The following EPC2 variants were observed in gnomAD, a reference collection of about 807,000 sequenced individuals.
EPC2 encodes enhancer of polycomb homolog 2.
A neutral mutation model predicts 92.1 loss-of-function variants in EPC2; 14 were observed. The observed-to-expected ratio is 0.15, with a 90% CI of 0.10 to 0.24. EPC2 has a LOEUF of 0.24. Ranked by LOEUF, EPC2 falls within the 10% of genes least tolerant of loss-of-function variation. The probability of loss-of-function intolerance (pLI) is 1.00; values close to 1 mark genes in which losing one functional copy is unlikely to be tolerated. For missense variants in EPC2, 755 were observed against 971.5 expected (o/e 0.78, Z 2.96); for synonymous variants, 340 against 334.7 (o/e 1.02, Z -0.17).
chr2:148,683,310 C>T lies in EPC2; in HGVS notation c.154-6904C>T, dbSNP rs144153976. 7.1e-3 allele frequency among the ~76,000 whole-genome samples: 1,075 copies of T among 151,832 alleles called. 6 individuals are homozygous for T. Among genetic ancestry groups the T allele is most frequent in the African/African-American group, 0.024 (1,009 of 41,320 alleles). On this transcript the variant is annotated intron_variant, in intron 1 of 13. Transcript: ENST00000258484. The stretch of plus-strand genomic sequence containing the variant: ...TGAGATGGAGTCTTGCTGTGTTGCC[C>T]AGGCTGGAGTGCAGTGGCATGATCT...
At chr2:148,666,443 C>T (rs190488441) in intron 1 of EPC2, among the ~76,000 whole-genome samples, 2 of 152,222 alleles carry the variant, frequency 1.3e-5, no homozygotes, top group Non-Finnish European at 2.9e-5. Context: ...TGCACCAGGC[C>T]AGAGGACCAA....
In EPC2 at chr2:148,711,105, C is replaced by CT. The variant is rs200421207; in HGVS notation, c.313+20741dup. 7.4e-3 allele frequency among the ~76,000 whole-genome samples: 1,120 copies of CT among 151,062 alleles called. 7 individuals carry two copies. The highest frequency in any genetic ancestry group is 0.011 in the Non-Finnish European group (727 of 67,668). On this transcript the variant is annotated intron_variant, in intron 2 of 13. Coordinates refer to ENST00000258484, the MANE Select transcript of EPC2 (RefSeq NM_015630.4). The stretch of plus-strand genomic sequence containing the variant: ...GTTTTCAGTTTGATTAATTTCTCCT[C>CT]TTTTTTTTTCTTCACTTACTTTGGG...
chr2:148,647,152 T>C (rs1683820597), intron 1 of EPC2, among the ~76,000 whole-genome samples: 1 of 152,270 alleles, frequency 6.6e-6, no homozygotes, highest in Admixed American at 6.5e-5. Flanking sequence ...GAGTGAACAG[T>C]TAACTCCTGG....
intron 2 of EPC2, among the ~76,000 whole-genome samples, chr2:148,725,108 ATCTT>A (rs1682467849): frequency 6.6e-6 from 1 of 152,122 alleles, no homozygotes; most frequent in Non-Finnish European, 1.5e-5. Flanking sequence ...ATCTTTAAGA[ATCTT>A]TATGTCTTAG....
intron 7 of EPC2, among the ~76,000 whole-genome samples, chr2:148,767,139 T>A (rs4972297): frequency 0.96 from 145,924 of 151,426 alleles, 70,539 homozygotes; most frequent in Middle Eastern, 1. Context: ...TGAAGGTTGC[T>A]GTGAGCCAAG....
At chr2:148,737,911 G>A (rs559445285) in intron 2 of EPC2, among the ~76,000 whole-genome samples, 4 of 152,302 alleles carry the variant, frequency 2.6e-5, no homozygotes, top group East Asian at 3.9e-4. Context: ...CATGCGGCCC[G>A]TGGGCCATGA....
intron 2 of EPC2, chr2:148,691,938 A>G (rs1558811044): frequency 7.2e-6 from 3 of 416,564 alleles, no homozygotes; most frequent in South Asian, 2.0e-5. Context: ...TTTCTTTCTT[A>G]TGGTATATAT....
intron 7 of EPC2, among the ~76,000 whole-genome samples, chr2:148,768,251 TA>T (rs1287264980): frequency 6.6e-6 from 1 of 152,216 alleles, no homozygotes; most frequent in Non-Finnish European, 1.5e-5. Context: ...AACTGAAACT[TA>T]AGTACCAAAA....
intron 10 of EPC2, among the ~76,000 whole-genome samples, chr2:148,772,358 A>G (rs1346123176): frequency 6.6e-6 from 1 of 152,162 alleles, no homozygotes; most frequent in Non-Finnish European, 1.5e-5. Flanking sequence ...ACTAAAATAG[A>G]TGTGGCTTGA....
intron 4 of EPC2, among the ~76,000 whole-genome samples, chr2:148,758,129 C>T (rs915346659): frequency 1.1e-4 from 13 of 123,416 alleles, no homozygotes; most frequent in Non-Finnish European, 1.9e-4. Context: ...TGGATTCTAC[C>T]CCATAGAGTA....
chr2:148,679,867 C>T (rs964816687), intron 1 of EPC2, among the ~76,000 whole-genome samples: 3 of 152,086 alleles, frequency 2.0e-5, no homozygotes, highest in Non-Finnish European at 4.4e-5. Context: ...AGGGTGGTCT[C>T]GATCTCCTAA....
At chr2:148,765,346 T>C (rs1253124593) in intron 7 of EPC2, among the ~76,000 whole-genome samples, 200 bp downstream of exon 7, 2 of 152,228 alleles carry the variant, frequency 1.3e-5, no homozygotes, top group Non-Finnish European at 2.9e-5. Flanking sequence ...TAGAATTTAC[T>C]CTTTTGTGGA....
At chr2:148,731,399 A>G (rs1342191163) in intron 2 of EPC2, among the ~76,000 whole-genome samples, 1 of 152,052 alleles carries the variant, frequency 6.6e-6, no homozygotes, top group Admixed American at 6.5e-5. Context: ...TCCAGAAGTA[A>G]ATATTTAGGA....
chr2:148,773,101 CT>C (rs1574635360), intron 10 of EPC2, among the ~76,000 whole-genome samples: 1 of 151,974 alleles, frequency 6.6e-6, no homozygotes, highest in South Asian at 2.1e-4. Flanking sequence ...TTTAACTTGA[CT>C]TTTTTCCAGA....
At chr2:148,750,239 A>G (rs906155859) in intron 3 of EPC2, among the ~76,000 whole-genome samples, 2 of 152,156 alleles carry the variant, frequency 1.3e-5, no homozygotes, top group African/African-American at 2.4e-5. Flanking sequence ...CTTCTAAAAT[A>G]GTCATCTCAA....
chr2:148,736,808 A>G (rs1020025211), intron 2 of EPC2, among the ~76,000 whole-genome samples: 39 of 152,080 alleles, frequency 2.6e-4, no homozygotes, highest in African/African-American at 8.9e-4. Context: ...TTTTACCAAA[A>G]AAGTTTCAGG....
intron 2 of EPC2, among the ~76,000 whole-genome samples, chr2:148,715,030 T>C (rs1278706116): frequency 9.9e-6 from 1 of 101,442 alleles, no homozygotes; most frequent in Non-Finnish European, 2.0e-5. Flanking sequence ...CTAGGGTTTT[T>C]TTTTTTTTTT....
intron 2 of EPC2, chr2:148,691,732 A>G (rs1681648439): frequency 3.0e-6 from 3 of 1,012,470 alleles, no homozygotes; most frequent in Non-Finnish European, 3.1e-6. Context: ...AGATCTGCTC[A>G]AGGTTCAGTT....
At chr2:148,742,310 G>A (rs1451696518) in intron 2 of EPC2, among the ~76,000 whole-genome samples, 1 of 152,172 alleles carries the variant, frequency 6.6e-6, no homozygotes, top group Non-Finnish European at 1.5e-5. Context: ...TACACACATG[G>A]TTTGAAAGGG....
Sources: gnomAD v4.1 joint callset for allele counts (sites outside exome capture counted in the v4.1 genomes callset) on GRCh38, gnomAD v4.1.1 for gene constraint, MANE v1.5 for transcripts, NCBI Gene and HGNC (gene_info 2026-07-23, HGNC 2026-07-21) for gene names.